CALML3: variants seen among roughly 807,000 people sequenced by gnomAD.
The protein encoded by CALML3 is calmodulin-like protein 3.
For synonymous variants in CALML3, 98 were observed against 89.9 expected (o/e 1.09, Z -0.51); for missense variants, 198 against 214.1 (o/e 0.92, Z 0.47).
Position 5,525,029 on chromosome 10 carries a change from C to T in CALML3, c.-57C>T, listed in dbSNP as rs2131387660. 7 of 1,324,262 alleles carry T rather than the reference C, an allele frequency of 5.3e-6. No individual in the cohort carries two copies. The East Asian group carries it at 7.0e-5, about 13-fold the overall frequency. The allele number at this position is 1,324,262 out of a possible 1,614,324, so 82.0% of individuals were successfully genotyped here. On this transcript the variant is annotated 5_prime_UTR_variant, in exon 1 of 1. Coordinates refer to ENST00000315238, the MANE Select transcript of CALML3 (RefSeq NM_005185.4). ...AGCTGGGACAGCAGCCGGGCTGCGG[C>T]ACTGGGAGGGAGACCCCACAGTGGC...
Position 5,525,601 on chromosome 10 carries a change from C to T in CALML3, c.*66C>T, listed in dbSNP as rs1197884113. On this transcript the variant is annotated 3_prime_UTR_variant, in exon 1 of 1. Coordinates refer to ENST00000315238, the MANE Select transcript of CALML3 (RefSeq NM_005185.4). Reference sequence around the variant, plus strand: ...CAGGGCAAGAACCCGGGGCCTCCCGCCTCCTCCCCCATCCCCCTGCCTCCC... The same window carrying T: ...CAGGGCAAGAACCCGGGGCCTCCCGTCTCCTCCCCCATCCCCCTGCCTCCC... 1 of 1,474,172 alleles carries T rather than the reference C, an allele frequency of 6.8e-7. No individual in the cohort carries two copies. The highest frequency in any genetic ancestry group is 9.0e-7 in the Non-Finnish European group (1 of 1,108,684). 91.3% of individuals were successfully genotyped at this position (1,474,172 alleles called of 1,614,324 possible).
Position 5,525,131 on chromosome 10 carries a change from G to A in CALML3, c.46G>A (p.Ala16Thr), listed in dbSNP as rs747413522. ...GGAGCAGGTCACAGAATTCAAGGAG[G>A]CCTTCTCCCTGTTTGACAAGGATGG... Reference protein sequence around the residue: ...TEEQVTEFKEAFSLFDKDGDG... With the variant: ...TEEQVTEFKETFSLFDKDGDG... The change falls in exon 1 of 1, where the codon GCC becomes ACC. Residue 16 changes from alanine (A) to threonine (T), a missense_variant. Transcript: ENST00000315238. 1 of 1,612,884 alleles carries A rather than the reference G, an allele frequency of 6.2e-7. No homozygotes were observed. The highest frequency in any genetic ancestry group is 1.1e-5 in the South Asian group (1 of 91,030).
At position 5,525,502 on chromosome 10, in the gene CALML3, CGAG is replaced by C; in HGVS notation, c.421_423del (p.Glu141del). 6.2e-7 allele frequency: 1 copy of C among 1,608,154 alleles called. No homozygotes were observed. Among genetic ancestry groups the C allele is most frequent in the Non-Finnish European group, 8.5e-7 (1 of 1,175,802 alleles). On this transcript the variant is annotated inframe_deletion, in exon 1 of 1. Transcript: ENST00000315238. The stretch of plus-strand genomic sequence containing the variant: ...CGGACGGAGACGGACAGGTGAACTA[CGAG>C]GAGTTTGTCCGTGTGCTGGTGTCCA...
Position 5,525,865 on chromosome 10 carries a change from G to T in CALML3, c.*330G>T, listed in dbSNP as rs988529060. 1.1e-6 allele frequency: 1 copy of T among 947,258 alleles called. No individual in the cohort carries two copies. The highest frequency in any genetic ancestry group is 1.4e-6 in the Non-Finnish European group (1 of 735,392). The allele number at this position is 947,258 out of a possible 1,614,324, so 58.7% of individuals were successfully genotyped here. A position where few individuals can be genotyped will look rare whatever the true frequency, so the allele number is the denominator to read the frequency against. On this transcript the variant is annotated 3_prime_UTR_variant, in exon 1 of 1. Coordinates refer to ENST00000315238, the MANE Select transcript of CALML3 (RefSeq NM_005185.4). ...TCTGCGGCCCTCCAGGACGGACACC[G>T]GGTGACCCCTTAGGGCACCCAGGCA...
rs1833577087 is a variant in CALML3, at chr10:5,525,692, C to G, written c.*157C>G. 1 of 1,448,480 alleles carries G rather than the reference C, an allele frequency of 6.9e-7. No individual in the cohort carries two copies. Among genetic ancestry groups the G allele is most frequent in the South Asian group, 1.5e-5 (1 of 66,988 alleles). 89.7% of individuals were successfully genotyped at this position (1,448,480 alleles called of 1,614,324 possible). ...CCACCTCTCTGCATCCCGCTTCCCG[C>G]GTCTCTTCTCTGCACTCCTGCCGAC... is the stretch of plus-strand genomic sequence containing the variant. On this transcript the variant is annotated 3_prime_UTR_variant, in exon 1 of 1. Coordinates refer to ENST00000315238, the MANE Select transcript of CALML3 (RefSeq NM_005185.4).
rs1386056273 is a variant in CALML3, at chr10:5,526,124, C to T, written c.*589C>T. The T allele has an allele frequency of 5.9e-6, 1 of 168,076 alleles. No individual in the cohort carries two copies. The highest frequency in any genetic ancestry group is 1.5e-5 in the Non-Finnish European group (1 of 68,890). The allele number at this position is 168,076 out of a possible 1,614,324, so 10.4% of individuals were successfully genotyped here. A position where few individuals can be genotyped will look rare whatever the true frequency, so the allele number is the denominator to read the frequency against. The stretch of plus-strand genomic sequence containing the variant: ...CCCAGCTTGCCCCATTCCTTGTCCG[C>T]CAACCCACCGTGATTCATCTTCTGA... On this transcript the variant is annotated 3_prime_UTR_variant, in exon 1 of 1. Transcript: ENST00000315238.
chr10:5,525,076 C>T lies in CALML3; in HGVS notation c.-10C>T. 1 of 1,580,218 alleles carries T rather than the reference C, an allele frequency of 6.3e-7. No individual in the cohort carries two copies. Among genetic ancestry groups the T allele is most frequent in the East Asian group, 2.3e-5 (1 of 44,442 alleles). On this transcript the variant is annotated 5_prime_UTR_variant, in exon 1 of 1. Transcript: ENST00000315238. ...TGGCCTCTTCTGCCACCCACGCCCCCACCCCTGGCATGGCCGACCAGCTGA... is the reference window on the plus strand; with the variant it reads ...TGGCCTCTTCTGCCACCCACGCCCCTACCCCTGGCATGGCCGACCAGCTGA...
At position 5,525,769 on chromosome 10, in the gene CALML3, C is replaced by A. The variant is rs1022964732; in HGVS notation, c.*234C>A. On this transcript the variant is annotated 3_prime_UTR_variant, in exon 1 of 1. Transcript: ENST00000315238. ...CGGAACGCTCCCACTGCAGGCAAAC[C>A]GTGACGCCCTCCCCACTCGGGAGAA... The A allele has an allele frequency of 7.0e-7, 1 of 1,419,222 alleles. No homozygotes were observed. The highest frequency in any genetic ancestry group is 9.2e-7 in the Non-Finnish European group (1 of 1,081,978). 87.9% of individuals were successfully genotyped at this position (1,419,222 alleles called of 1,614,324 possible). A position where few individuals can be genotyped will look rare whatever the true frequency, so the allele number is the denominator to read the frequency against.
At position 5,525,151 on chromosome 10, in the gene CALML3, G is replaced by A. The variant is rs149276130; in HGVS notation, c.66G>A (p.Lys22=). 31 of 1,613,666 alleles carry A rather than the reference G, an allele frequency of 1.9e-5. No homozygotes were observed. In the African/African-American group the frequency reaches 3.2e-4, roughly 17 times the overall value. The change falls in exon 1 of 1, where the codon AAG becomes AAA. Residue 22 remains lysine, a synonymous_variant. Coordinates refer to ENST00000315238, the MANE Select transcript of CALML3 (RefSeq NM_005185.4). ...AGGAGGCCTTCTCCCTGTTTGACAA[G>A]GATGGGGACGGCTGCATCACCACCC... ...EFKEAFSLFD[K]DGDGCITTRE...
rs756552526 is a variant in CALML3 at position 5,525,539 on chromosome 10, CGGCGCCCACCATGCTCCTG to C, written c.*14_*32del. 21 of 1,579,134 alleles carry C rather than the reference CGGCGCCCACCATGCTCCTG, an allele frequency of 1.3e-5. No homozygotes were observed. The highest frequency in any genetic ancestry group is 1.7e-5 in the Admixed American group (1 of 58,250). ...CCGTGTGCTGGTGTCCAAGTGAGGCCGGCGCCCACCATGCTCCTGGGCGCCCACGCGGCCCACAGGGCAA... is the reference window on the plus strand; with the variant it reads ...CCGTGTGCTGGTGTCCAAGTGAGGCCGGCGCCCACGCGGCCCACAGGGCAA... On this transcript the variant is annotated 3_prime_UTR_variant, in exon 1 of 1. Coordinates refer to ENST00000315238, the MANE Select transcript of CALML3 (RefSeq NM_005185.4).
rs781715359 is a variant in CALML3 at position 5,525,142 on chromosome 10, G to T, written c.57G>T (p.Leu19=). The T allele has an allele frequency of 6.2e-7, 1 of 1,613,392 alleles. No individual in the cohort carries two copies. The highest frequency in any genetic ancestry group is 8.5e-7 in the Non-Finnish European group (1 of 1,179,552). Reference sequence around the variant, plus strand: ...CAGAATTCAAGGAGGCCTTCTCCCTGTTTGACAAGGATGGGGACGGCTGCA... The same window carrying T: ...CAGAATTCAAGGAGGCCTTCTCCCTTTTTGACAAGGATGGGGACGGCTGCA... ...QVTEFKEAFS[L]FDKDGDGCIT... is the part of the protein sequence containing the mutation. The change falls in exon 1 of 1, where the codon CTG becomes CTT. Residue 19 remains leucine (L), a synonymous_variant. Coordinates refer to ENST00000315238, the MANE Select transcript of CALML3 (RefSeq NM_005185.4).
Position 5,525,231 on chromosome 10 carries a change from T to C in CALML3, c.146T>C (p.Leu49Pro). 1 of 1,613,908 alleles carries C rather than the reference T, an allele frequency of 6.2e-7. No homozygotes were observed. The highest frequency in any genetic ancestry group is 8.5e-7 in the Non-Finnish European group (1 of 1,179,988). ...SLGQNPTEAE[L>P]RDMMSEIDRD... ...GGCCAGAACCCCACGGAGGCCGAGC[T>C]GCGGGACATGATGAGTGAGATCGAC... The change falls in exon 1 of 1, where the codon CTG (leucine) becomes CCG (proline). Residue 49 changes from leucine (L) to proline (P), a missense_variant. Physicochemically the swap from Leu to Pro is moderately conservative, Grantham distance 98. Coordinates refer to ENST00000315238, the MANE Select transcript of CALML3 (RefSeq NM_005185.4).
chr10:5,525,488 G>C lies in CALML3; in HGVS notation c.403G>C (p.Gly135Arg). 6.2e-7 allele frequency: 1 copy of C among 1,612,460 alleles called. No individual in the cohort carries two copies. The highest frequency in any genetic ancestry group is 8.5e-7 in the Non-Finnish European group (1 of 1,178,910). ...CCGGGCCGCGGACACGGACGGAGAC[G>C]GACAGGTGAACTACGAGGAGTTTGT... Reference protein sequence around the residue: ...MIRAADTDGDGQVNYEEFVRV... With the variant: ...MIRAADTDGDRQVNYEEFVRV... The change falls in exon 1 of 1, where the codon GGA becomes CGA. Residue 135 changes from glycine to arginine, a missense_variant. Coordinates refer to ENST00000315238, the MANE Select transcript of CALML3 (RefSeq NM_005185.4).
Position 5,525,428 on chromosome 10 carries a change from G to A in CALML3, c.343G>A (p.Glu115Lys). The change falls in exon 1 of 1, where the codon GAG (glutamate) becomes AAG (lysine). Residue 115 changes from glutamate to lysine, a missense_variant. Coordinates refer to ENST00000315238, the MANE Select transcript of CALML3 (RefSeq NM_005185.4). ...ELRHVMTRLG[E>K]KLSDEEVDEM... ...GCGACACGTCATGACCCGGCTGGGG[G>A]AGAAGCTGAGTGACGAGGAGGTGGA... 1 of 1,613,986 alleles carries A rather than the reference G, an allele frequency of 6.2e-7. No individual in the cohort carries two copies.
In CALML3 at chr10:5,525,347, G is replaced by A. The variant is rs1833566682; in HGVS notation, c.262G>A (p.Glu88Lys). 1 of 1,613,790 alleles carries A rather than the reference G, an allele frequency of 6.2e-7. No individual in the cohort carries two copies. The highest frequency in any genetic ancestry group is 1.7e-5 in the Admixed American group (1 of 60,004). ...CACGGACAACGAGGAGGAGATCCGCGAGGCCTTCCGCGTGTTCGACAAGGA... is the reference window on the plus strand; with the variant it reads ...CACGGACAACGAGGAGGAGATCCGCAAGGCCTTCCGCGTGTTCGACAAGGA... Reference protein sequence around the residue: ...KDTDNEEEIREAFRVFDKDGN... With the variant: ...KDTDNEEEIRKAFRVFDKDGN... Residue 88 changes from glutamate (E) to lysine (K), a missense_variant, in exon 1 of 1, where the codon GAG (glutamate) becomes AAG (lysine). By Grantham distance (56) the Glu-to-Lys change is moderately conservative. Coordinates refer to ENST00000315238, the MANE Select transcript of CALML3 (RefSeq NM_005185.4).
In CALML3 at chr10:5,525,213, A is replaced by AC. The variant is rs1176578229; in HGVS notation, c.132dup (p.Thr45HisfsTer11). 2 of 1,613,678 alleles carry AC rather than the reference A, an allele frequency of 1.2e-6. No individual in the cohort carries two copies. Among genetic ancestry groups the AC allele is most frequent in the Non-Finnish European group, 1.7e-6 (2 of 1,179,966 alleles). ...ACGGTCATGCGGTCCCTGGGCCAGA[A>AC]CCCCACGGAGGCCGAGCTGCGGGAC... On this transcript the variant is annotated frameshift_variant, in exon 1 of 1. Coordinates refer to ENST00000315238, the MANE Select transcript of CALML3 (RefSeq NM_005185.4). LOFTEE classifies it low-confidence loss of function (END_TRUNC).
Position 5,525,334 on chromosome 10 carries a change from G to A in CALML3, c.249G>A (p.Glu83=). The part of the protein sequence containing the change: ...MARKMKDTDN[E]EEIREAFRVF... ...GGAAGATGAAGGACACGGACAACGA[G>A]GAGGAGATCCGCGAGGCCTTCCGCG... is the stretch of plus-strand genomic sequence containing the variant. The change falls in exon 1 of 1, where the codon GAG becomes GAA. Residue 83 remains glutamate, a synonymous_variant. Transcript: ENST00000315238. 6.2e-7 allele frequency: 1 copy of A among 1,613,928 alleles called. No homozygotes were observed. The highest frequency in any genetic ancestry group is 8.5e-7 in the Non-Finnish European group (1 of 1,179,968).
Position 5,525,409 on chromosome 10 carries a change from C to G in CALML3, c.324C>G (p.His108Gln). 6.2e-7 allele frequency: 1 copy of G among 1,613,912 alleles called. No individual in the cohort carries two copies. The highest frequency in any genetic ancestry group is 1.7e-5 in the Admixed American group (1 of 60,006). ...TCGTCAGCGCCGCCGAGCTGCGACA[C>G]GTCATGACCCGGCTGGGGGAGAAGC... ...NGFVSAAELR[H>Q]VMTRLGEKLS... Residue 108 changes from histidine (H) to glutamine (Q), a missense_variant, in exon 1 of 1, where the codon CAC becomes CAG. Physicochemically the swap from His to Gln is conservative, Grantham distance 24. Transcript: ENST00000315238.
rs766839347 is a variant in CALML3 at position 5,525,392 on chromosome 10, G to A, written c.307G>A (p.Ala103Thr). 4.3e-6 allele frequency: 7 copies of A among 1,613,804 alleles called. No homozygotes were observed. Among genetic ancestry groups the A allele is most frequent in the Non-Finnish European group, 5.1e-6 (6 of 1,179,988 alleles). Reference sequence around the variant, plus strand: ...CAAGGACGGCAACGGCTTCGTCAGCGCCGCCGAGCTGCGACACGTCATGAC... The same window carrying A: ...CAAGGACGGCAACGGCTTCGTCAGCACCGCCGAGCTGCGACACGTCATGAC... ...FDKDGNGFVS[A>T]AELRHVMTRL... Residue 103 changes from alanine (A) to threonine (T), a missense_variant, in exon 1 of 1, where the codon GCC becomes ACC. Ala to Thr is a moderately conservative substitution (Grantham distance 58, BLOSUM62 0). Transcript: ENST00000315238.
Sources: gnomAD v4.1 joint callset for allele counts on GRCh38, gnomAD v4.1.1 for gene constraint, MANE v1.5 for transcripts, NCBI Gene and HGNC (gene_info 2026-07-23, HGNC 2026-07-21) for gene names.